The following MEOX1 variants were observed in gnomAD, a reference collection of about 807,000 sequenced individuals.
MEOX1 encodes the protein homeobox protein MOX-1.
Under a neutral mutation model 23.2 loss-of-function variants are expected in MEOX1, and 17 were observed. That is an observed-to-expected ratio of 0.73 (90% CI 0.50 to 1.10). The LOEUF is 1.10. MEOX1 is among the 50% of genes least tolerant of loss of function. The pLI is 0.00. For missense variants in MEOX1, 333 were observed against 332.2 expected (o/e 1.00, Z -0.02); for synonymous variants, 134 against 135.1 (o/e 0.99, Z 0.06).
At chr17:43,652,951 C>A (rs1598264704) in intron 1 of MEOX1, among the ~76,000 whole-genome samples, 1 of 151,004 alleles carries the variant, frequency 6.6e-6, no homozygotes, top group East Asian at 2.0e-4. Context: ...CCTGCCTCAG[C>A]CTCCCAAGTA....
In MEOX1 at chr17:43,661,173, A is replaced by T; in HGVS notation, c.362T>A (p.Leu121Gln). 6.3e-7 allele frequency: 1 copy of T among 1,599,146 alleles called. No homozygotes were observed. Among genetic ancestry groups the T allele is most frequent in the Non-Finnish European group, 8.5e-7 (1 of 1,172,296 alleles). ...GGSKEMGTSSLGLVDTTGGPG... is the reference protein window; with the variant it reads ...GGSKEMGTSSQGLVDTTGGPG... ...GCCTCCTGTGGTGTCCACCAGGCCC[A>T]GGCTGCTGGTCCCCATTTCCTTGGA... The change falls in exon 1 of 3, where the codon CTG becomes CAG. Residue 121 changes from leucine to glutamine, a missense_variant. Transcript: ENST00000318579.
At chr17:43,657,310 T>A (rs1483249129) in intron 1 of MEOX1, among the ~76,000 whole-genome samples, 2 of 149,990 alleles carry the variant, frequency 1.3e-5, no homozygotes, top group Non-Finnish European at 3.0e-5. Context: ...GTAGCTGGGA[T>A]TTACAGGTGC....
Position 43,640,627 on chromosome 17 carries a change from C to T in MEOX1, c.*1283G>A, listed in dbSNP as rs367585775. 2.6e-5 allele frequency: 4 copies of T among 152,122 alleles called. No individual in the cohort carries two copies. The highest frequency in any genetic ancestry group is 1.9e-4 in the East Asian group (1 of 5,188). The allele number at this position is 152,122 out of a possible 1,614,324, so 9.4% of individuals were successfully genotyped here. Reference sequence around the variant, plus strand: ...TCTGCGTACAAGAGATCCAAACTCACGTTGACCTCCCTCTGCAACACCAGC... The same window carrying T: ...TCTGCGTACAAGAGATCCAAACTCATGTTGACCTCCCTCTGCAACACCAGC... On this transcript the variant is annotated 3_prime_UTR_variant, in exon 3 of 3. Transcript: ENST00000318579.
intron 1 of MEOX1, 129 bp downstream of exon 1, chr17:43,660,937 G>C (rs1973126603): frequency 1.8e-6 from 1 of 540,676 alleles, no homozygotes; most frequent in Non-Finnish European, 3.2e-6. Context: ...AAAGGTAACT[G>C]GTCCAGTCTC....
At position 43,641,447 on chromosome 17, in the gene MEOX1, G is replaced by A. The variant is rs746949405; in HGVS notation, c.*463C>T. 5 of 155,182 alleles carry A rather than the reference G, an allele frequency of 3.2e-5. No homozygotes were observed. The South Asian group carries it at 7.9e-4, about 25-fold the overall frequency. 9.6% of individuals were successfully genotyped at this position (155,182 alleles called of 1,614,324 possible). On this transcript the variant is annotated 3_prime_UTR_variant, in exon 3 of 3. Coordinates refer to ENST00000318579, the MANE Select transcript of MEOX1 (RefSeq NM_004527.4). ...CCTACAGAGGAAGGTGGGCAAGGGCGTGTGTCTCTGTCATTTCCTTCCTTT... is the reference window on the plus strand; with the variant it reads ...CCTACAGAGGAAGGTGGGCAAGGGCATGTGTCTCTGTCATTTCCTTCCTTT...
Position 43,641,820 on chromosome 17 carries a change from C to G in MEOX1, c.*90G>C. On this transcript the variant is annotated 3_prime_UTR_variant, in exon 3 of 3. Transcript: ENST00000318579. ...GAAAGATGTGGAGAGGCTGCCCTGG[C>G]TGGGGAAGGAAGAGGGTGAAGGTGG... 1 of 1,381,444 alleles carries G rather than the reference C, an allele frequency of 7.2e-7. No homozygotes were observed. The highest frequency in any genetic ancestry group is 9.8e-7 in the Non-Finnish European group (1 of 1,017,924). The allele number at this position is 1,381,444 out of a possible 1,614,324, so 85.6% of individuals were successfully genotyped here.
chr17:43,652,825 CTTTTTTTTTTT>C (rs397856379), intron 1 of MEOX1, among the ~76,000 whole-genome samples: 2 of 71,072 alleles, frequency 2.8e-5, no homozygotes, highest in African/African-American at 5.0e-5. Context: ...TCTACTATTG[CTTTTTTTTTTT>C]TTTTTTTTTT....
chr17:43,652,812 A>G (rs892183745), intron 1 of MEOX1, among the ~76,000 whole-genome samples: 1 of 135,546 alleles, frequency 7.4e-6, no homozygotes, highest in African/African-American at 2.8e-5. Flanking sequence ...TTTCATTCTC[A>G]TCTCTACTAT....
chr17:43,647,440 T>C (rs78252260), intron 1 of MEOX1, among the ~76,000 whole-genome samples: 2,729 of 152,240 alleles, frequency 0.018, 82 homozygotes, highest in African/African-American at 0.062. Flanking sequence ...CTGACAGCTT[T>C]TAGGTGACAG....
In MEOX1 at chr17:43,641,869, AG is replaced by A; in HGVS notation, c.*40del. Reference sequence around the variant, plus strand: ...GGGATTGGGGTGGGGGTAGTTGGGTAGGGGGCTCAGTCCTTAGTCATTTTTC... The same window carrying A: ...GGGATTGGGGTGGGGGTAGTTGGGTAGGGGCTCAGTCCTTAGTCATTTTTC... On this transcript the variant is annotated 3_prime_UTR_variant, in exon 3 of 3. Coordinates refer to ENST00000318579, the MANE Select transcript of MEOX1 (RefSeq NM_004527.4). 2 of 1,573,924 alleles carry A rather than the reference AG, an allele frequency of 1.3e-6. No homozygotes were observed. The highest frequency in any genetic ancestry group is 2.3e-5 in the East Asian group (1 of 43,980).
intron 1 of MEOX1, among the ~76,000 whole-genome samples, chr17:43,655,149 C>A (rs1483230218): frequency 1.3e-5 from 2 of 152,032 alleles, no homozygotes; most frequent in Non-Finnish European, 2.9e-5. Context: ...GTGGAAGCAA[C>A]CTACATGTTC....
chr17:43,641,834 G>A lies in MEOX1; in HGVS notation c.*76C>T, dbSNP rs185067767. The A allele has an allele frequency of 4.3e-5, 63 of 1,466,184 alleles. 1 individual carries two copies. In the East Asian group the frequency reaches 8.6e-4, roughly 20 times the overall value. The allele number at this position is 1,466,184 out of a possible 1,614,324, so 90.8% of individuals were successfully genotyped here. A position where few individuals can be genotyped will look rare whatever the true frequency, so the allele number is the denominator to read the frequency against. ...GGCTGCCCTGGCTGGGGAAGGAAGA[G>A]GGTGAAGGTGGGATTGGGGTGGGGG... On this transcript the variant is annotated 3_prime_UTR_variant, in exon 3 of 3. Transcript: ENST00000318579.
intron 1 of MEOX1, among the ~76,000 whole-genome samples, chr17:43,660,637 TAACCTC>T (rs1973118844): frequency 6.6e-6 from 1 of 152,194 alleles, no homozygotes; most frequent in Non-Finnish European, 1.5e-5. Flanking sequence ...CTCAGAGCCT[TAACCTC>T]AGCTGAACTT....
At chr17:43,653,141 CT>C (rs112378872) in intron 1 of MEOX1, among the ~76,000 whole-genome samples, 1,456 of 116,062 alleles carry the variant, frequency 0.013, 19 homozygotes, top group African/African-American at 0.041. Context: ...CTACCATTGC[CT>C]TTTTTTTTTT....
intron 1 of MEOX1, among the ~76,000 whole-genome samples, chr17:43,650,255 T>C (rs924530297): frequency 2.6e-5 from 4 of 152,156 alleles, no homozygotes; most frequent in African/African-American, 7.2e-5. Flanking sequence ...ATGTCACCTT[T>C]TCATTTTATA....
At position 43,640,711 on chromosome 17, in the gene MEOX1, C is replaced by T. The variant is rs1218670092; in HGVS notation, c.*1199G>A. 6.6e-6 allele frequency: 1 copy of T among 152,202 alleles called. No individual in the cohort carries two copies. Among genetic ancestry groups the T allele is most frequent in the Non-Finnish European group, 1.5e-5 (1 of 68,042 alleles). The allele number at this position is 152,202 out of a possible 1,614,324, so 9.4% of individuals were successfully genotyped here. A position where few individuals can be genotyped will look rare whatever the true frequency, so the allele number is the denominator to read the frequency against. ...GGCTTCAGTCCCCCATGCTCTTTGG[C>T]CATCAGTCCTCAAATGTCATCTCCA... is the stretch of plus-strand genomic sequence containing the variant. On this transcript the variant is annotated 3_prime_UTR_variant, in exon 3 of 3. Transcript: ENST00000318579.
At chr17:43,642,789 CATT>C (rs1972721053) in intron 2 of MEOX1, among the ~76,000 whole-genome samples, 1 of 152,182 alleles carries the variant, frequency 6.6e-6, no homozygotes, top group Non-Finnish European at 1.5e-5. Flanking sequence ...CAGGCCCACT[CATT>C]ATGGTAAAAT....
rs1973134172 is a variant in MEOX1 at position 43,661,203 on chromosome 17, C to T, written c.332G>A (p.Gly111Glu). Reference protein sequence around the residue: ...ARRRPNSGPAGGSKEMGTSSL... With the variant: ...ARRRPNSGPAEGSKEMGTSSL... ...GCTGGTCCCCATTTCCTTGGAACCC[C>T]CTGCCGGGCCTGAGTTGGGCCTGCG... is the stretch of plus-strand genomic sequence containing the variant. Residue 111 changes from glycine to glutamate, a missense_variant, in exon 1 of 3, where the codon GGG (glycine) becomes GAG (glutamate). Gly to Glu is a moderately conservative substitution (Grantham distance 98). Transcript: ENST00000318579. 1.2e-6 allele frequency: 2 copies of T among 1,608,218 alleles called. No homozygotes were observed. Among genetic ancestry groups the T allele is most frequent in the African/African-American group, 1.3e-5 (1 of 74,812 alleles).
chr17:43,656,981 ATTTTCTTTCTTTCT>A (rs869286516), intron 1 of MEOX1, among the ~76,000 whole-genome samples: 199 of 133,450 alleles, frequency 1.5e-3, no homozygotes, highest in African/African-American at 3.7e-3. Flanking sequence ...CCGTTTGTTC[ATTTTCTTTCTTTCT>A]TTTTCTTTCT....
Sources: gnomAD v4.1 joint callset for allele counts (sites outside exome capture counted in the v4.1 genomes callset) on GRCh38, gnomAD v4.1.1 for gene constraint, MANE v1.5 for transcripts, NCBI Gene and HGNC (gene_info 2026-07-23, HGNC 2026-07-21) for gene names.